Variants in CNTLN observed in about 807,000 individuals in gnomAD.
CNTLN encodes centlein, centrosomal protein.
In CNTLN, 212 loss-of-function variants were observed where a neutral mutation model predicts 180.0. The ratio of observed to expected loss-of-function variants is 1.18; its 90% CI spans 1.05 to 1.32. CNTLN has a LOEUF of 1.32. Ranked by LOEUF, CNTLN falls within the 40% of genes most tolerant of loss-of-function variation. The pLI, the probability that CNTLN is intolerant of heterozygous loss-of-function variation, is 0.00. For missense variants in CNTLN, 2,095 were observed against 1,610.9 expected, an observed-to-expected ratio of 1.30 and a Z score of -5.14; for synonymous variants, 722 against 563.1, an observed-to-expected ratio of 1.28 and a Z score of -3.99.
chr9:17,475,743 G>T (rs1004723446), intron 23 of CNTLN, among the ~76,000 whole-genome samples: 17 of 151,806 alleles, frequency 1.1e-4, no homozygotes, highest in Non-Finnish European at 2.2e-4. Flanking sequence ...CATGGTGGTG[G>T]GCACCTGTAG....
intron 10 of CNTLN, among the ~76,000 whole-genome samples, chr9:17,338,246 C>CCT (rs1047990418): frequency 9.3e-5 from 14 of 150,964 alleles, no homozygotes; most frequent in African/African-American, 3.4e-4. Context: ...CTCACTGCAA[C>CCT]CTCTGCCTCC....
At chr9:17,273,988 T>C in intron 6 of CNTLN, 122 bp downstream of exon 6, 2 of 774,754 alleles carry the variant, frequency 2.6e-6, no homozygotes, top group South Asian at 2.5e-5. Context: ...GTTATATATG[T>C]TTGTGCATTG....
At chr9:17,286,621 A>G (rs1828997969) in intron 6 of CNTLN, among the ~76,000 whole-genome samples, 1 of 132,060 alleles carries the variant, frequency 7.6e-6, no homozygotes, top group Non-Finnish European at 1.6e-5. Flanking sequence ...CACGATATTG[A>G]TTCTTCCTAC....
At chr9:17,150,407 A>T (rs1818778175) in intron 2 of CNTLN, among the ~76,000 whole-genome samples, 2 of 152,224 alleles carry the variant, frequency 1.3e-5, no homozygotes, top group Admixed American at 6.5e-5. Flanking sequence ...TTAAATAGGG[A>T]ATCTTTTCCC....
intron 6 of CNTLN, 61 bp from the exon 7 acceptor site, chr9:17,298,129 A>G (rs1408257560): frequency 9.0e-6 from 12 of 1,330,276 alleles, no homozygotes; most frequent in Middle Eastern, 2.0e-4. Flanking sequence ...GATGAACACA[A>G]TTATTTAACT....
intron 5 of CNTLN, among the ~76,000 whole-genome samples, chr9:17,247,275 T>C (rs1825850306): frequency 6.6e-6 from 1 of 152,136 alleles, no homozygotes; most frequent in South Asian, 2.1e-4. Flanking sequence ...CTTAGCTCAT[T>C]GTGACAGGGC....
intron 18 of CNTLN, among the ~76,000 whole-genome samples, chr9:17,437,418 T>C (rs897064484): frequency 1.3e-5 from 2 of 152,344 alleles, no homozygotes; most frequent in Admixed American, 1.3e-4. Flanking sequence ...TTCTTTTCTG[T>C]TTAAAATAAA....
intron 5 of CNTLN, among the ~76,000 whole-genome samples, chr9:17,238,444 A>T (rs909451074): frequency 6.6e-6 from 1 of 152,204 alleles, no homozygotes; most frequent in African/African-American, 2.4e-5. Flanking sequence ...TGGTCATAAA[A>T]GAATTCTCAT....
Position 17,257,704 on chromosome 9 carries a change from G to C in CNTLN, c.850-16029G>C, listed in dbSNP as rs1201270778. On this transcript the variant is annotated intron_variant, in intron 5 of 25. Transcript: ENST00000380647. ...TGAGATGGTATCTCATTGTGGTTTT[G>C]ATTTGCATTTCTCTGATGGCCAGTG... Among the ~76,000 whole-genome samples the C allele has an allele frequency of 9.2e-5, 14 of 151,498 alleles. No homozygotes were observed. The South Asian group carries it at 2.7e-3, about 29-fold the overall frequency.
chr9:17,315,012 A>G (rs970400254), intron 8 of CNTLN, among the ~76,000 whole-genome samples: 1 of 152,140 alleles, frequency 6.6e-6, no homozygotes, highest in Non-Finnish European at 1.5e-5. Context: ...TTATACATCT[A>G]TTTTACCCCA....
chr9:17,397,697 C>G lies in CNTLN; in HGVS notation c.2615+2628C>G, dbSNP rs140571260. On this transcript the variant is annotated intron_variant, in intron 15 of 25. Transcript: ENST00000380647. ...ATCTGAGCCCTATTTTACCCAGCACCTATTCAAGATGGAGTTGCTCTGTTT... is the reference window on the plus strand; with the variant it reads ...ATCTGAGCCCTATTTTACCCAGCACGTATTCAAGATGGAGTTGCTCTGTTT... 3.3e-4 allele frequency among the ~76,000 whole-genome samples: 51 copies of G among 152,322 alleles called. No individual in the cohort carries two copies. The East Asian group carries it at 3.9e-3, about 12-fold the overall frequency.
intron 7 of CNTLN, chr9:17,302,065 T>C (rs939725855): frequency 3.0e-6 from 3 of 984,324 alleles, no homozygotes; most frequent in African/African-American, 1.8e-5. Context: ...CTATTCATTA[T>C]AGTGTACTGA....
At chr9:17,517,917 C>A in the CNTLN span, among the ~76,000 whole-genome samples, 4 of 151,860 alleles carry the variant, frequency 2.6e-5, no homozygotes, top group African/African-American at 7.2e-5. Context: ...GGCCTTCCGA[C>A]TCTGTGCTTC....
chr9:17,315,179 A>G (rs1819456898), intron 8 of CNTLN, among the ~76,000 whole-genome samples: 1 of 152,054 alleles, frequency 6.6e-6, no homozygotes, highest in East Asian at 1.9e-4. Context: ...ATCATCTCAC[A>G]GTGAATTCTC....
intron 25 of CNTLN, among the ~76,000 whole-genome samples, chr9:17,496,947 T>C (rs1481577506): frequency 6.6e-6 from 1 of 152,176 alleles, no homozygotes; most frequent in Non-Finnish European, 1.5e-5. Flanking sequence ...GTGTGCTGGC[T>C]TTGTGAGAAG....
intron 13 of CNTLN, among the ~76,000 whole-genome samples, chr9:17,384,014 A>T (rs1402685955): frequency 2.0e-5 from 3 of 152,222 alleles, no homozygotes; most frequent in Admixed American, 6.5e-5. Flanking sequence ...TTTAAATATA[A>T]AGATCGAAAT....
chr9:17,272,039 T>C (rs9406666), intron 5 of CNTLN, among the ~76,000 whole-genome samples: 61,471 of 140,890 alleles, frequency 0.44, 14,043 homozygotes, highest in South Asian at 0.63. Flanking sequence ...TCCTTCCTTT[T>C]TTCCTTCCTT....
At chr9:17,138,679 A>T (rs898036434) in intron 1 of CNTLN, among the ~76,000 whole-genome samples, 1 of 152,092 alleles carries the variant, frequency 6.6e-6, no homozygotes, top group Admixed American at 6.5e-5. Flanking sequence ...TTGTAAGTAA[A>T]CTCTTGACAT....
At chr9:17,294,435 G>C (rs1288671484) in intron 6 of CNTLN, among the ~76,000 whole-genome samples, 1 of 151,446 alleles carries the variant, frequency 6.6e-6, no homozygotes, top group Non-Finnish European at 1.5e-5. Flanking sequence ...AGTCCCACTA[G>C]ATTCTTTAGA....
Sources: allele counts gnomAD v4.1 joint callset (sites outside exome capture counted in the v4.1 genomes callset), GRCh38; gene constraint gnomAD v4.1.1; transcripts MANE v1.5; gene names NCBI Gene and HGNC (gene_info 2026-07-23, HGNC 2026-07-21).